PDRG1: variants seen among roughly 807,000 people sequenced by gnomAD.
PDRG1 encodes p53 and DNA damage regulated 1.
Under a neutral mutation model 18.4 loss-of-function variants are expected in PDRG1, and 14 were observed. That is an observed-to-expected ratio of 0.76 (90% CI 0.50 to 1.19). The LOEUF (loss-of-function observed/expected upper bound fraction) is 1.19. Among genes scored for constraint, PDRG1 ranks in the 50% most tolerant of loss-of-function variants. PDRG1 has a pLI of 0.00. For missense variants in PDRG1, 177 were observed against 160.1 expected (o/e 1.11, Z -0.57); for synonymous variants, 65 against 60.9 (o/e 1.07, Z -0.31).
chr20:31,946,751 G>A (rs895101821), intron 3 of PDRG1, among the ~76,000 whole-genome samples, 175 bp from the exon 4 acceptor site: 3 of 152,150 alleles, frequency 2.0e-5, no homozygotes, highest in Non-Finnish European at 4.4e-5. Context: ...ACCTGCTCAG[G>A]ACCACTCAGA....
intron 2 of PDRG1, among the ~76,000 whole-genome samples, chr20:31,950,084 G>A (rs1443285891): frequency 6.6e-6 from 1 of 152,190 alleles, no homozygotes; most frequent in African/African-American, 2.4e-5. Flanking sequence ...TCGTTGATAA[G>A]CCAGGAGCTA....
At chr20:31,947,978 T>G (rs2064329311) in intron 3 of PDRG1, among the ~76,000 whole-genome samples, 1 of 152,234 alleles carries the variant, frequency 6.6e-6, no homozygotes, top group Admixed American at 6.5e-5. Context: ...TTTTGGCCAT[T>G]TTCAAGGTTA....
At chr20:31,946,221 T>C (rs909220495) in intron 4 of PDRG1, among the ~76,000 whole-genome samples, 1 of 152,092 alleles carries the variant, frequency 6.6e-6, no homozygotes, top group African/African-American at 2.4e-5. Flanking sequence ...AGCTATCTGA[T>C]CCCCATGCCA....
intron 1 of PDRG1, among the ~76,000 whole-genome samples, 157 bp downstream of exon 1, chr20:31,951,718 T>C (rs1055470681): frequency 1.3e-5 from 2 of 152,232 alleles, no homozygotes; most frequent in Admixed American, 6.5e-5. Context: ...ATGTCCAGCA[T>C]AGCGCAGGCG....
Position 31,948,827 on chromosome 20 carries a change from T to C in PDRG1, c.219A>G (p.Thr73=), listed in dbSNP as rs765416254. The change falls in exon 3 of 5, where the codon ACA becomes ACG. Residue 73 remains threonine (T), a synonymous_variant. Transcript: ENST00000202017. ...CCTTACCTTTTTCAATCATTTCCTT[T>C]GTCTCAGGGTGAGGCATCTTGATAA... ...NMFIKMPHPE[T]KEMIEKDQDH... is the part of the protein sequence containing the mutation. The C allele has an allele frequency of 6.8e-6, 11 of 1,613,826 alleles. No individual in the cohort carries two copies. The highest frequency in any genetic ancestry group is 8.5e-6 in the Non-Finnish European group (10 of 1,179,944).
intron 3 of PDRG1, among the ~76,000 whole-genome samples, chr20:31,947,104 G>A (rs1049652145): frequency 2.6e-5 from 4 of 152,204 alleles, no homozygotes; most frequent in African/African-American, 9.6e-5. Flanking sequence ...ACAGAAAAGG[G>A]TCTTCTAGTG....
At chr20:31,949,510 T>G (rs1248113836) in intron 2 of PDRG1, among the ~76,000 whole-genome samples, 1 of 152,194 alleles carries the variant, frequency 6.6e-6, no homozygotes, top group African/African-American at 2.4e-5. Flanking sequence ...AGACAGAGGT[T>G]GCAGTGAGCC....
At chr20:31,946,889 T>C (rs1336671618) in intron 3 of PDRG1, among the ~76,000 whole-genome samples, 1 of 152,070 alleles carries the variant, frequency 6.6e-6, no homozygotes, top group East Asian at 1.9e-4. Context: ...CACAATGAAA[T>C]TATGGAAAAT....
At chr20:31,946,675 CT>C in intron 3 of PDRG1, 99 bp from the exon 4 acceptor site, 1 of 1,095,616 alleles carries the variant, frequency 9.1e-7, no homozygotes, top group Non-Finnish European at 1.4e-6. Context: ...GGGCGTGTAG[CT>C]TTCAGGAAGG....
At chr20:31,949,877 G>T (rs2064341394) in intron 2 of PDRG1, among the ~76,000 whole-genome samples, 1 of 152,084 alleles carries the variant, frequency 6.6e-6, no homozygotes, top group Admixed American at 6.6e-5. Context: ...TGCTTCCACT[G>T]CCACAGCCAC....
chr20:31,949,445 G>A (rs1233961342), intron 2 of PDRG1, among the ~76,000 whole-genome samples: 5 of 152,178 alleles, frequency 3.3e-5, no homozygotes, highest in Admixed American at 6.5e-5. Flanking sequence ...GGTGGCACAC[G>A]CCTGTAATCT....
In PDRG1 at chr20:31,949,034, T is replaced by C. The variant is rs567879326; in HGVS notation, c.164-152A>G. 7 of 682,758 alleles carry C rather than the reference T, an allele frequency of 1.0e-5. No homozygotes were observed. The East Asian group carries it at 2.0e-4, about 19-fold the overall frequency. The allele number at this position is 682,758 out of a possible 1,614,324, so 42.3% of individuals were successfully genotyped here. ...TACAGTGGAGGAGAGAGAATAAAGA[T>C]ATGATTTGTCAGACCTTAAGAGTTG... On this transcript the variant is annotated intron_variant, in intron 2 of 4. Transcript: ENST00000202017.
chr20:31,950,504 CT>C (rs1335753760), intron 1 of PDRG1, 117 bp from the exon 2 acceptor site: 2 of 747,464 alleles, frequency 2.7e-6, no homozygotes, highest in Non-Finnish European at 4.6e-6. Context: ...AACGTCCTGC[CT>C]AAAATGGATT....
In PDRG1 at chr20:31,949,706, T is replaced by C. The variant is rs77242807; in HGVS notation, c.163+606A>G. Among the ~76,000 whole-genome samples the C allele has an allele frequency of 9.5e-4, 145 of 152,316 alleles. 2 individuals are homozygous for C. In the East Asian group the frequency reaches 0.024, roughly 25 times the overall value. The stretch of plus-strand genomic sequence containing the variant: ...ATGGGGGCTGGATTACTCGGTCTTG[T>C]AGGACCTCTGGATTTTACTCAGGTG... On this transcript the variant is annotated intron_variant, in intron 2 of 4. Coordinates refer to ENST00000202017, the MANE Select transcript of PDRG1 (RefSeq NM_030815.3).
intron 2 of PDRG1, among the ~76,000 whole-genome samples, chr20:31,949,120 A>C (rs2064336171): frequency 6.6e-6 from 1 of 152,234 alleles, no homozygotes; most frequent in South Asian, 2.1e-4. Flanking sequence ...CTTGTTAATC[A>C]TAGCAGGTAG....
intron 3 of PDRG1, among the ~76,000 whole-genome samples, chr20:31,948,013 GTTC>G (rs1350383653): frequency 2.0e-5 from 3 of 152,188 alleles, no homozygotes. Flanking sequence ...TGTGTAGCCT[GTTC>G]TTTTTCTAGC....
chr20:31,945,082 G>GCC lies in PDRG1; in HGVS notation c.*723_*724dup, dbSNP rs1483384892. On this transcript the variant is annotated 3_prime_UTR_variant, in exon 5 of 5. Coordinates refer to ENST00000202017, the MANE Select transcript of PDRG1 (RefSeq NM_030815.3). The stretch of plus-strand genomic sequence containing the variant: ...GACAGTAACGAGCAGTGCTGGCCGG[G>GCC]CCCCACTTTCAGAGGGGGCGGAAGG... 6.6e-6 allele frequency: 1 copy of GCC among 152,250 alleles called. No homozygotes were observed. The highest frequency in any genetic ancestry group is 1.5e-5 in the Non-Finnish European group (1 of 68,096). The allele number at this position is 152,250 out of a possible 1,614,324, so 9.4% of individuals were successfully genotyped here.
At chr20:31,948,612 C>T (rs1300228998) in intron 3 of PDRG1, among the ~76,000 whole-genome samples, 196 bp downstream of exon 3, 1 of 152,102 alleles carries the variant, frequency 6.6e-6, no homozygotes, top group Non-Finnish European at 1.5e-5. Context: ...AGCTATGCTA[C>T]ACAGATGCAT....
At position 31,950,337 on chromosome 20, in the gene PDRG1, G is replaced by A. The variant is rs35707020; in HGVS notation, c.138C>T (p.Ala46=). ...CAGAGAGGCTGAGATCCTTCTGCAG[G>A]GCCCTCAGGCCCTCTCGATTCTGAT... ...KRNQNREGLR[A]LQKDLSLSED... The change falls in exon 2 of 5, where the codon GCC becomes GCT. Residue 46 remains alanine (A), a synonymous_variant. Coordinates refer to ENST00000202017, the MANE Select transcript of PDRG1 (RefSeq NM_030815.3). 6.2e-7 allele frequency: 1 copy of A among 1,612,364 alleles called. No individual in the cohort carries two copies. The highest frequency in any genetic ancestry group is 1.3e-5 in the African/African-American group (1 of 75,008).
Sources: gnomAD v4.1 joint callset for allele counts (sites outside exome capture counted in the v4.1 genomes callset) on GRCh38, gnomAD v4.1.1 for gene constraint, MANE v1.5 for transcripts, NCBI Gene and HGNC (gene_info 2026-07-23, HGNC 2026-07-21) for gene names.